WDR72: variants seen among roughly 807,000 people sequenced by gnomAD.
The protein encoded by WDR72 is WD repeat domain 72.
A neutral mutation model predicts 124.2 loss-of-function variants in WDR72; 120 were observed. The observed-to-expected ratio is 0.97, with a 90% CI of 0.83 to 1.12. The LOEUF (loss-of-function observed/expected upper bound fraction) is 1.12, where lower values mean the gene tolerates loss of function less well. WDR72 is among the 50% of genes most tolerant of loss of function. The pLI is 0.00. For synonymous variants in WDR72, 452 were observed against 441.7 expected (o/e 1.02, Z -0.29); for missense variants, 1,387 against 1,278.8 (o/e 1.08, Z -1.29).
intron 18 of WDR72, among the ~76,000 whole-genome samples, chr15:53,526,818 T>C (rs11630747): frequency 0.25 from 38,232 of 151,964 alleles, 5,393 homozygotes; most frequent in African/African-American, 0.36. Context: ...AAATCAACTG[T>C]TTATTTCCTC....
intron 14 of WDR72, among the ~76,000 whole-genome samples, chr15:53,621,457 A>G (rs2013990589): frequency 6.8e-6 from 1 of 146,898 alleles, no homozygotes; most frequent in African/African-American, 2.5e-5. Flanking sequence ...ATATATATAT[A>G]TGATAGAGTA....
At chr15:53,676,575 G>T (rs901940935) in intron 13 of WDR72, among the ~76,000 whole-genome samples, 3 of 152,206 alleles carry the variant, frequency 2.0e-5, no homozygotes, top group African/African-American at 7.2e-5. Flanking sequence ...AGCCAGCAAG[G>T]CCCTCAGACC....
intron 14 of WDR72, among the ~76,000 whole-genome samples, chr15:53,649,773 A>C (rs2015166818): frequency 6.6e-6 from 1 of 152,196 alleles, no homozygotes; most frequent in Non-Finnish European, 1.5e-5. Context: ...TTAAATGAAA[A>C]CAAAAACAAA....
chr15:53,710,373 AT>A (rs758863001), intron 9 of WDR72, among the ~76,000 whole-genome samples: 1 of 133,130 alleles, frequency 7.5e-6, no homozygotes, highest in Non-Finnish European at 1.6e-5. Flanking sequence ...ACACACACAA[AT>A]GCAGAGAGAG....
chr15:53,597,010 C>T lies in WDR72; in HGVS notation c.3148+69G>A, dbSNP rs2012809443. ...ATCGAAAATCGTTCAGTTGCACCAC[C>T]ATAAGTTGGAGACTATCTATAGTAG... On this transcript the variant is annotated intron_variant, in intron 18 of 19. Coordinates refer to ENST00000360509, the MANE Select transcript of WDR72 (RefSeq NM_182758.4). 2.0e-6 allele frequency: 3 copies of T among 1,476,098 alleles called. No homozygotes were observed. The South Asian group carries it at 3.4e-5, about 17-fold the overall frequency. 91.4% of individuals were successfully genotyped at this position (1,476,098 alleles called of 1,614,324 possible).
At chr15:53,724,233 G>C (rs982764418) in intron 2 of WDR72, among the ~76,000 whole-genome samples, 3 of 152,154 alleles carry the variant, frequency 2.0e-5, no homozygotes, top group South Asian at 2.1e-4. Context: ...TGTACACATG[G>C]TGACTATAGT....
chr15:53,625,186 A>G (rs915982709), intron 14 of WDR72, among the ~76,000 whole-genome samples: 21 of 152,222 alleles, frequency 1.4e-4, no homozygotes, highest in Non-Finnish European at 2.5e-4. Context: ...GTCTAGAACA[A>G]GTAATTAAAA....
At chr15:53,635,762 G>A (rs962723592) in intron 14 of WDR72, among the ~76,000 whole-genome samples, 4 of 152,012 alleles carry the variant, frequency 2.6e-5, no homozygotes, top group African/African-American at 9.7e-5. Context: ...TGGGTGACGG[G>A]ATCATTTATA....
chr15:53,612,381 G>T (rs1276294058), intron 16 of WDR72, among the ~76,000 whole-genome samples: 1 of 152,090 alleles, frequency 6.6e-6, no homozygotes, highest in Non-Finnish European at 1.5e-5. Context: ...ATGGAGAACA[G>T]TACAACAGCG....
chr15:53,726,396 T>C (rs964233768), intron 2 of WDR72, among the ~76,000 whole-genome samples: 15 of 151,068 alleles, frequency 9.9e-5, no homozygotes, highest in African/African-American at 3.4e-4. Flanking sequence ...TCCCTGTACC[T>C]TCCAGTCAGT....
At chr15:53,621,001 A>C (rs1031119561) in intron 14 of WDR72, among the ~76,000 whole-genome samples, 14 of 152,214 alleles carry the variant, frequency 9.2e-5, no homozygotes, top group African/African-American at 3.4e-4. Flanking sequence ...ACATGAATAG[A>C]AAATTATCAA....
intron 14 of WDR72, among the ~76,000 whole-genome samples, chr15:53,618,661 C>A (rs2013864438): frequency 6.6e-6 from 1 of 152,020 alleles, no homozygotes; most frequent in Non-Finnish European, 1.5e-5. Context: ...TAGTCTGTCA[C>A]ACCATCTGTC....
intron 4 of WDR72, among the ~76,000 whole-genome samples, chr15:53,716,060 C>T (rs1249696438): frequency 1.3e-5 from 2 of 152,104 alleles, no homozygotes; most frequent in African/African-American, 4.8e-5. Flanking sequence ...ACATCAGCAA[C>T]ACTAAGAGTG....
intron 1 of WDR72, among the ~76,000 whole-genome samples, chr15:53,749,317 T>G (rs1259879958): frequency 6.6e-6 from 1 of 152,164 alleles, no homozygotes; most frequent in Non-Finnish European, 1.5e-5. Flanking sequence ...CAATAACATT[T>G]TTATTATATC....
At chr15:53,632,878 C>T (rs944380371) in intron 14 of WDR72, among the ~76,000 whole-genome samples, 2 of 152,186 alleles carry the variant, frequency 1.3e-5, no homozygotes. Context: ...ATGTTTGTAC[C>T]CCCATTGTAT....
intron 14 of WDR72, among the ~76,000 whole-genome samples, chr15:53,641,354 T>C (rs372282732): frequency 2.6e-5 from 4 of 152,006 alleles, no homozygotes; most frequent in East Asian, 3.9e-4. Context: ...ACTGTGTGTG[T>C]ATTTGTGTGT....
intron 17 of WDR72, among the ~76,000 whole-genome samples, chr15:53,607,171 GC>G (rs1287814923): frequency 6.6e-6 from 1 of 151,940 alleles, no homozygotes; most frequent in Non-Finnish European, 1.5e-5. Flanking sequence ...ACCAAAAGTA[GC>G]CTTAAAGGAG....
intron 16 of WDR72, among the ~76,000 whole-genome samples, chr15:53,612,961 C>G (rs958266727): frequency 6.6e-6 from 1 of 151,808 alleles, no homozygotes. Flanking sequence ...GAGAAGCAGT[C>G]AGATTCTGGG....
At chr15:53,715,171 T>A in intron 5 of WDR72, 22 bp downstream of exon 5, 1 of 1,612,348 alleles carries the variant, frequency 6.2e-7, no homozygotes, top group East Asian at 2.2e-5. Context: ...CTCTCTACTG[T>A]CAGATAATAT....
Sources: gnomAD v4.1 joint callset for allele counts (sites outside exome capture counted in the v4.1 genomes callset) on GRCh38, gnomAD v4.1.1 for gene constraint, MANE v1.5 for transcripts, NCBI Gene and HGNC (gene_info 2026-07-23, HGNC 2026-07-21) for gene names.